The following CAST variants were observed in gnomAD, a reference collection of about 807,000 sequenced individuals.
CAST encodes MIR583 host.
Under a neutral mutation model 119.6 loss-of-function variants are expected in CAST, and 76 were observed. The ratio of observed to expected loss-of-function variants is 0.64; its 90% CI spans 0.53 to 0.77. The LOEUF is 0.77. Ranked by LOEUF, CAST falls within the 30% of genes least tolerant of loss-of-function variation. The pLI, the probability that CAST is intolerant of heterozygous loss-of-function variation, is 0.00. For missense variants in CAST, 953 were observed against 946.5 expected (o/e 1.01, Z -0.09); for synonymous variants, 319 against 331.6 (o/e 0.96, Z 0.41).
At chr5:96,199,266 G>A in the CAST span, among the ~76,000 whole-genome samples, 1 of 152,072 alleles carries the variant, frequency 6.6e-6, no homozygotes, top group Non-Finnish European at 1.5e-5. Flanking sequence ...GGTGTTCATT[G>A]TTTAAGTTAA....
the CAST span, among the ~76,000 whole-genome samples, chr5:96,513,511 C>T: frequency 1.3e-5 from 2 of 152,040 alleles, no homozygotes; most frequent in African/African-American, 2.4e-5. Context: ...AGTCACTGGT[C>T]AGGTGCATTA....
the CAST span, among the ~76,000 whole-genome samples, chr5:96,461,726 A>G: frequency 6.6e-6 from 1 of 152,166 alleles, no homozygotes; most frequent in Non-Finnish European, 1.5e-5. Flanking sequence ...ACTTGAGGAT[A>G]GTTTTCCCTT....
chr5:96,073,111 G>T, the CAST span, among the ~76,000 whole-genome samples: 1 of 152,204 alleles, frequency 6.6e-6, no homozygotes, highest in Non-Finnish European at 1.5e-5. Flanking sequence ...CTCAAAGTCT[G>T]TTATCCCTTT....
the CAST span, among the ~76,000 whole-genome samples, chr5:96,277,507 A>G: frequency 6.6e-6 from 1 of 152,102 alleles, no homozygotes; most frequent in Non-Finnish European, 1.5e-5. Context: ...ATATTATTTC[A>G]TTGCTTATTT....
the CAST span, among the ~76,000 whole-genome samples, chr5:96,249,719 A>G: frequency 7.5e-3 from 1,150 of 152,344 alleles, 11 homozygotes; most frequent in African/African-American, 0.025. Context: ...TCACAGGGAC[A>G]CAATCAATAT....
chr5:96,511,331 G>T, the CAST span, among the ~76,000 whole-genome samples: 1 of 152,048 alleles, frequency 6.6e-6, no homozygotes, highest in African/African-American at 2.4e-5. Flanking sequence ...TTTTAGTAGA[G>T]ACGGGTTTCA....
chr5:96,534,877 AAGAAAAG>A (rs1482405543), intron 1 of CAST, among the ~76,000 whole-genome samples: 6 of 149,762 alleles, frequency 4.0e-5, no homozygotes, highest in Admixed American at 1.3e-4. Context: ...AGGAGAAAGA[AAGAAAAG>A]AAAGAAAGAA....
chr5:96,044,372 C>T, the CAST span, among the ~76,000 whole-genome samples: 3 of 152,114 alleles, frequency 2.0e-5, no homozygotes, highest in Admixed American at 1.3e-4. Context: ...AAAACTTGCC[C>T]CTTCCACCAT....
chr5:96,754,689 T>G lies in CAST; in HGVS notation c.1658T>G (p.Leu553Arg). The G allele has an allele frequency of 6.2e-7, 1 of 1,610,324 alleles. No homozygotes were observed. The change falls in exon 22 of 32, where the codon CTT (leucine) becomes CGT (arginine). Residue 553 changes from leucine (L) to arginine (R), a missense_variant. Leu to Arg is a moderately radical substitution (Grantham distance 102). Coordinates refer to ENST00000675179, the MANE Select transcript of CAST (RefSeq NM_001750.7). The part of the protein sequence containing the change: ...EKAKEEDREK[L>R]GEKEETIPPD... ...GCCAAAGAAGAAGACCGTGAAAAGC[T>G]TGGTGAAAAAGAAGAAACAATTCCT...
chr5:96,596,233 A>C (rs1276756251), intron 1 of CAST, among the ~76,000 whole-genome samples: 1 of 152,202 alleles, frequency 6.6e-6, no homozygotes, highest in African/African-American at 2.4e-5. Flanking sequence ...TTGTCCTTAC[A>C]AGAGGGACAC....
intron 1 of CAST, among the ~76,000 whole-genome samples, chr5:96,621,530 G>A (rs976065679): frequency 6.6e-6 from 1 of 152,180 alleles, no homozygotes; most frequent in Non-Finnish European, 1.5e-5. Context: ...GAGAGAGAGT[G>A]TGTGTGAAGG....
At chr5:96,769,781 T>C (rs1410577173) in intron 29 of CAST, 3 of 151,308 alleles carry the variant, frequency 2.0e-5, no homozygotes, top group African/African-American at 4.9e-5. Flanking sequence ...TTCTCTGTGT[T>C]TTTGAGCTTT....
In CAST at chr5:96,770,541, A is replaced by G. The variant is rs1771909277; in HGVS notation, c.2279A>G (p.Lys760Arg). The change falls in exon 30 of 32, where the codon AAG becomes AGG. Residue 760 changes from lysine to arginine, a missense_variant. By Grantham distance (26) the Lys-to-Arg change is conservative. Transcript: ENST00000675179. The part of the protein sequence containing the change: ...TSQNTAKDKC[K>R]KAASSSKAPK... ...TTTCCTTTGCTTTAGGATAAGTGCA[A>G]GAAGGCTGCTTCCAGCTCCAAAGCA... 1 of 1,612,402 alleles carries G rather than the reference A, an allele frequency of 6.2e-7. No homozygotes were observed. Among genetic ancestry groups the G allele is most frequent in the Non-Finnish European group, 8.5e-7 (1 of 1,178,580 alleles).
intron 1 of CAST, among the ~76,000 whole-genome samples, chr5:96,555,286 G>T (rs1298276263): frequency 6.6e-6 from 1 of 152,218 alleles, no homozygotes; most frequent in Non-Finnish European, 1.5e-5. Context: ...CCAGTCTACA[G>T]CTCCCAGCAT....
the CAST span, chr5:96,415,948 A>G: frequency 2.3e-5 from 20 of 870,614 alleles, no homozygotes; most frequent in African/African-American, 2.3e-4. Flanking sequence ...GTTGTTAAAA[A>G]GAAAAGCTCC....
At chr5:96,230,617 C>A in the CAST span, among the ~76,000 whole-genome samples, 1 of 152,000 alleles carries the variant, frequency 6.6e-6, no homozygotes, top group Non-Finnish European at 1.5e-5. Context: ...ACTCCAAAAA[C>A]GTAAGCAATG....
chr5:96,582,961 A>C (rs1353870005), intron 1 of CAST, among the ~76,000 whole-genome samples: 1 of 152,156 alleles, frequency 6.6e-6, no homozygotes, highest in Non-Finnish European at 1.5e-5. Flanking sequence ...TTTCTTTTGG[A>C]AAAAGCAAAT....
chr5:96,434,823 G>T, the CAST span, among the ~76,000 whole-genome samples: 3 of 152,280 alleles, frequency 2.0e-5, no homozygotes, highest in South Asian at 6.2e-4. Context: ...TTGCCTCCAC[G>T]TTTGCAGAAA....
chr5:96,122,415 C>G, the CAST span, among the ~76,000 whole-genome samples: 1 of 152,008 alleles, frequency 6.6e-6, no homozygotes, highest in Admixed American at 6.6e-5. Flanking sequence ...CCAAAAGTTC[C>G]TTCCTTGGAT....
Sources: gnomAD v4.1 joint callset for allele counts (sites outside exome capture counted in the v4.1 genomes callset) on GRCh38, gnomAD v4.1.1 for gene constraint, MANE v1.5 for transcripts, NCBI Gene and HGNC (gene_info 2026-07-23, HGNC 2026-07-21) for gene names.